PLB1: variants seen among roughly 807,000 people sequenced by gnomAD.
PLB1 encodes phospholipase B1, membrane-associated.
Under a neutral mutation model 227.4 loss-of-function variants are expected in PLB1, and 242 were observed. That is an observed-to-expected ratio of 1.06 (90% CI 0.96 to 1.18). PLB1 has a LOEUF of 1.18. Among genes scored for constraint, PLB1 ranks in the 50% most tolerant of loss-of-function variants. The pLI is 0.00. For synonymous variants in PLB1, 757 were observed against 682.2 expected (o/e 1.11, Z -1.71); for missense variants, 1,858 against 1,816.3 (o/e 1.02, Z -0.42).
chr2:28,594,529 T>C, intron 33 of PLB1: 1 of 156,508 alleles, frequency 6.4e-6, no homozygotes, highest in Non-Finnish European at 1.4e-5. Flanking sequence ...GCCGCCTCCC[T>C]TTTCTTCTGA....
intron 1 of PLB1, among the ~76,000 whole-genome samples, chr2:28,509,228 A>G (rs564603783): frequency 6.6e-6 from 1 of 152,342 alleles, no homozygotes; most frequent in Admixed American, 6.5e-5. Context: ...TTAAGAGAGC[A>G]TGCCCTGCTT....
rs76139498 is a variant in PLB1, at chr2:28,627,465, T to G, written c.3660+957T>G. 9.2e-5 allele frequency among the ~76,000 whole-genome samples: 14 copies of G among 152,334 alleles called. No individual in the cohort carries two copies. The East Asian group carries it at 2.7e-3, about 29-fold the overall frequency. ...GGTTTATACTTCCGAGAGCGTAGTTTAGTTGAAAGGGCTGGGCTGCCCCGA... is the reference window on the plus strand; with the variant it reads ...GGTTTATACTTCCGAGAGCGTAGTTGAGTTGAAAGGGCTGGGCTGCCCCGA... On this transcript the variant is annotated intron_variant, in intron 51 of 57. Coordinates refer to ENST00000327757, the MANE Select transcript of PLB1 (RefSeq NM_153021.5).
intron 6 of PLB1, 81 bp from the exon 7 acceptor site, chr2:28,529,236 C>T (rs1381593799): frequency 1.1e-5 from 10 of 949,300 alleles, no homozygotes; most frequent in Middle Eastern, 2.7e-4. Flanking sequence ...TGAGCCACCA[C>T]TCCTGGCAGT....
intron 54 of PLB1, among the ~76,000 whole-genome samples, chr2:28,631,173 AAG>A (rs1263145589): frequency 6.6e-6 from 1 of 151,608 alleles, no homozygotes; most frequent in Non-Finnish European, 1.5e-5. Flanking sequence ...AAAAGAAAAA[AAG>A]AAAAAGGCTT....
intron 3 of PLB1, 45 bp from the exon 4 acceptor site, chr2:28,519,660 G>A: frequency 7.0e-7 from 1 of 1,424,836 alleles, no homozygotes; most frequent in Non-Finnish European, 9.9e-7. Flanking sequence ...CGACATCATG[G>A]GGAATGTAGA....
chr2:28,596,735 A>AT (rs1682979252), intron 33 of PLB1, among the ~76,000 whole-genome samples: 1 of 152,334 alleles, frequency 6.6e-6, no homozygotes, highest in African/African-American at 2.4e-5. Flanking sequence ...CAGACATCTA[A>AT]CGGAAGGGTG....
chr2:28,533,230 G>A (rs954687285), intron 9 of PLB1, among the ~76,000 whole-genome samples: 13 of 152,178 alleles, frequency 8.5e-5, no homozygotes, highest in African/African-American at 2.9e-4. Flanking sequence ...GTGATGTCAA[G>A]CCTTGGAAGA....
chr2:28,581,548 G>A (rs1680014696), intron 23 of PLB1, among the ~76,000 whole-genome samples: 1 of 128,330 alleles, frequency 7.8e-6, no homozygotes, highest in Non-Finnish European at 1.6e-5. Flanking sequence ...ATTAAAAAAA[G>A]AGGCATAGGC....
chr2:28,548,762 G>GGACAGCAGC (rs1239315862), intron 14 of PLB1, 98 bp from the exon 15 acceptor site: 3 of 1,162,388 alleles, frequency 2.6e-6, no homozygotes, highest in Admixed American at 3.7e-5. Context: ...TGCGTTCCCT[G>GGACAGCAGC]GTACTGCTGC....
At chr2:28,634,275 A>T (rs1305749925) in intron 56 of PLB1, among the ~76,000 whole-genome samples, 1 of 152,148 alleles carries the variant, frequency 6.6e-6, no homozygotes, top group Non-Finnish European at 1.5e-5. Context: ...ACGATTTTTA[A>T]ATCAGTTTAT....
intron 1 of PLB1, among the ~76,000 whole-genome samples, chr2:28,500,961 C>G (rs1401058206): frequency 6.6e-6 from 1 of 152,158 alleles, no homozygotes; most frequent in Non-Finnish European, 1.5e-5. Context: ...TGTATTTCCT[C>G]TATCCCAAAC....
In PLB1 at chr2:28,529,417, C is replaced by G. The variant is rs747477466; in HGVS notation, c.416+10C>G. 36 of 1,571,102 alleles carry G rather than the reference C, an allele frequency of 2.3e-5. No individual in the cohort carries two copies. Among genetic ancestry groups the G allele is most frequent in the Non-Finnish European group, 3.1e-5 (35 of 1,141,178 alleles). ...CCCACGATGGTGCTGAGTAAGTTCCCTTTCTGTCTCTCTCTGAGGTTATGT... is the reference window on the plus strand; with the variant it reads ...CCCACGATGGTGCTGAGTAAGTTCCGTTTCTGTCTCTCTCTGAGGTTATGT... On this transcript the variant is annotated intron_variant, in intron 7 of 57. Transcript: ENST00000327757.
At chr2:28,544,214 A>G (rs558459032) in intron 14 of PLB1, among the ~76,000 whole-genome samples, 2 of 152,318 alleles carry the variant, frequency 1.3e-5, no homozygotes, top group East Asian at 3.9e-4. Context: ...TCCTTTGAAG[A>G]AGGCATTTGA....
chr2:28,529,393 C>T lies in PLB1; in HGVS notation c.402C>T (p.Pro134=), dbSNP rs1453574407. Residue 134 remains proline, a synonymous_variant, in exon 7 of 58, where the codon CCC becomes CCT. Coordinates refer to ENST00000327757, the MANE Select transcript of PLB1 (RefSeq NM_153021.5). The part of the protein sequence containing the change: ...PVCHTGKRVI[P]HDGAEDLWIQ... ...GCCACACTGGAAAGAGAGTCATACC[C>T]CACGATGGTGCTGAGTAAGTTCCCT... The T allele has an allele frequency of 1.9e-6, 3 of 1,603,538 alleles. No homozygotes were observed. Among genetic ancestry groups the T allele is most frequent in the East Asian group, 4.5e-5 (2 of 44,842 alleles).
chr2:28,587,436 T>C (rs1274781041), intron 26 of PLB1, among the ~76,000 whole-genome samples: 1 of 151,990 alleles, frequency 6.6e-6, no homozygotes, highest in Non-Finnish European at 1.5e-5. Context: ...GCCAACATAG[T>C]GAAACCCTGC....
At position 28,530,197 on chromosome 2, in the gene PLB1, C is replaced by G. The variant is rs75361241; in HGVS notation, c.468+418C>G. 7.2e-4 allele frequency among the ~76,000 whole-genome samples: 110 copies of G among 152,206 alleles called. 1 individual carries two copies. The East Asian group carries it at 0.014, about 20-fold the overall frequency. On this transcript the variant is annotated intron_variant, in intron 8 of 57. Coordinates refer to ENST00000327757, the MANE Select transcript of PLB1 (RefSeq NM_153021.5). The stretch of plus-strand genomic sequence containing the variant: ...TCTTCAGAATGGTTTTCCTTGTGGT[C>G]GTGCTGAAAGTCAGCAGATGGACTA...
At chr2:28,529,592 T>G in intron 7 of PLB1, 136 bp from the exon 8 acceptor site, 1 of 1,008,454 alleles carries the variant, frequency 9.9e-7, no homozygotes, top group Non-Finnish European at 1.5e-6. Flanking sequence ...GAAAAACAGG[T>G]CAATGCCCAC....
At chr2:28,586,967 T>G (rs1033741353) in intron 26 of PLB1, among the ~76,000 whole-genome samples, 1 of 152,160 alleles carries the variant, frequency 6.6e-6, no homozygotes, top group African/African-American at 2.4e-5. Flanking sequence ...CAGGCTGGTC[T>G]TGGACTCCTG....
chr2:28,588,089 A>C (rs1681218124), intron 26 of PLB1, among the ~76,000 whole-genome samples: 1 of 133,752 alleles, frequency 7.5e-6, no homozygotes, highest in Non-Finnish European at 1.6e-5. Context: ...CCTACTTCCC[A>C]CAGAAGCTAC....
Sources: allele counts gnomAD v4.1 joint callset (sites outside exome capture counted in the v4.1 genomes callset), GRCh38; gene constraint gnomAD v4.1.1; transcripts MANE v1.5; gene names NCBI Gene and HGNC (gene_info 2026-07-23, HGNC 2026-07-21).